Variants in ADAMTS12 observed in about 807,000 individuals in gnomAD.
ADAMTS12 encodes ADAM metallopeptidase with thrombospondin type 1 motif 12, also known as A disintegrin and metalloproteinase with thrombospondin motifs 12.
ADAMTS12 carries 118 observed loss-of-function variants against 167.8 expected under a neutral mutation model. The ratio of observed to expected loss-of-function variants is 0.70; its 90% confidence interval spans 0.61 to 0.82. The LOEUF (loss-of-function observed/expected upper bound fraction) is 0.82, where lower values mean the gene tolerates loss of function less well. Ranked by LOEUF, ADAMTS12 falls within the 40% of genes least tolerant of loss-of-function variation. The pLI is 0.00. For missense variants in ADAMTS12, 1,916 were observed against 1,998.8 expected (o/e 0.96, Z 0.79); for synonymous variants, 704 against 716.9 (o/e 0.98, Z 0.29).
chr5:33,771,731 A>C (rs1266189776), intron 2 of ADAMTS12, among the ~76,000 whole-genome samples: 6 of 151,758 alleles, frequency 4.0e-5, no homozygotes, highest in African/African-American at 1.5e-4. Context: ...TATATTGTAT[A>C]TAATATTAAA....
chr5:33,632,798 A>C (rs1740011191), intron 12 of ADAMTS12, among the ~76,000 whole-genome samples: 1 of 152,206 alleles, frequency 6.6e-6, no homozygotes, highest in South Asian at 2.1e-4. Context: ...GGAATACATA[A>C]AGCAAAAATA....
chr5:33,599,660 T>C (rs1738088183), intron 16 of ADAMTS12, among the ~76,000 whole-genome samples: 1 of 152,304 alleles, frequency 6.6e-6, no homozygotes, highest in Non-Finnish European at 1.5e-5. Flanking sequence ...CCTTTGAAAG[T>C]AGGCAAGGTC....
In ADAMTS12 at chr5:33,566,476, T is replaced by C. The variant is rs564182036; in HGVS notation, c.3973-5297A>G. Among the ~76,000 whole-genome samples, 6 of 152,236 alleles carry C rather than the reference T, an allele frequency of 3.9e-5. No homozygotes were observed. In the East Asian group the frequency reaches 1.2e-3, roughly 29 times the overall value. On this transcript the variant is annotated intron_variant, in intron 19 of 23. Coordinates refer to ENST00000504830, the MANE Select transcript of ADAMTS12 (RefSeq NM_030955.4). Reference sequence around the variant, plus strand: ...GAGACCCTGTCTCAAAAAAAGTCAATGAGTCAGTGACGGACTCCTTCTCTT... The same window carrying C: ...GAGACCCTGTCTCAAAAAAAGTCAACGAGTCAGTGACGGACTCCTTCTCTT...
rs80035604 is a variant in ADAMTS12, at chr5:33,633,720, G to A, written c.1889-2807C>T. On this transcript the variant is annotated intron_variant, in intron 12 of 23. Transcript: ENST00000504830. ...CACAGGGATCTGCAGGAGGAGGCAAGGGTGGTAATGGATGGTCTTAATTCT... is the reference window on the plus strand; with the variant it reads ...CACAGGGATCTGCAGGAGGAGGCAAAGGTGGTAATGGATGGTCTTAATTCT... 3.3e-3 allele frequency among the ~76,000 whole-genome samples: 495 copies of A among 152,228 alleles called. 22 individuals carry two copies. In the East Asian group the frequency reaches 0.078, roughly 24 times the overall value.
At chr5:33,748,033 C>T (rs1337926193) in intron 3 of ADAMTS12, among the ~76,000 whole-genome samples, 5 of 152,156 alleles carry the variant, frequency 3.3e-5, no homozygotes, top group Non-Finnish European at 5.9e-5. Context: ...TTTTTCTAGC[C>T]TAGAGTTCTA....
rs958868550 is a variant in ADAMTS12 at position 33,783,169 on chromosome 5, A to C, written c.490-31621T>G. Among the ~76,000 whole-genome samples the C allele has an allele frequency of 7.9e-5, 12 of 152,064 alleles. 1 individual carries two copies. In the South Asian group the frequency reaches 2.1e-3, roughly 26 times the overall value. On this transcript the variant is annotated intron_variant, in intron 2 of 23. Coordinates refer to ENST00000504830, the MANE Select transcript of ADAMTS12 (RefSeq NM_030955.4). The stretch of plus-strand genomic sequence containing the variant: ...TTCTAAATAACTAATGAGTTAAGAA[A>C]GAAACCAAAAGAGCAACTACAAAAA...
chr5:33,586,288 G>A (rs2112001328), intron 18 of ADAMTS12, among the ~76,000 whole-genome samples: 1 of 152,304 alleles, frequency 6.6e-6, no homozygotes, highest in Non-Finnish European at 1.5e-5. Context: ...TCATTAGGAG[G>A]TTATTAGTAA....
At chr5:33,629,777 T>C (rs73082309) in intron 13 of ADAMTS12, among the ~76,000 whole-genome samples, 7,213 of 152,274 alleles carry the variant, frequency 0.047, 595 homozygotes, top group African/African-American at 0.17. Flanking sequence ...CCTTTAAAAA[T>C]TTTCATTTTC....
At chr5:33,663,855 C>A (rs1255818300) in intron 5 of ADAMTS12, among the ~76,000 whole-genome samples, 1 of 152,180 alleles carries the variant, frequency 6.6e-6, no homozygotes, top group East Asian at 1.9e-4. Context: ...TCTTAGAGAA[C>A]ACTCATTAAT....
intron 2 of ADAMTS12, among the ~76,000 whole-genome samples, chr5:33,811,902 C>T (rs1747475758): frequency 1.3e-5 from 2 of 152,074 alleles, no homozygotes; most frequent in South Asian, 4.1e-4. Context: ...GAAGGCAGAG[C>T]CAGCCAGATT....
intron 17 of ADAMTS12, among the ~76,000 whole-genome samples, chr5:33,590,565 C>A (rs895134276): frequency 6.6e-6 from 1 of 152,184 alleles, no homozygotes; most frequent in Non-Finnish European, 1.5e-5. Context: ...AGCAAGAAGA[C>A]CCCCGCCAGA....
intron 3 of ADAMTS12, among the ~76,000 whole-genome samples, chr5:33,715,154 C>CT (rs1743558380): frequency 1.3e-5 from 2 of 151,756 alleles, no homozygotes; most frequent in Non-Finnish European, 2.9e-5. Flanking sequence ...GAAGCTCTCT[C>CT]TTTTTTTTAA....
intron 3 of ADAMTS12, among the ~76,000 whole-genome samples, chr5:33,713,854 T>C (rs1743497713): frequency 1.3e-5 from 2 of 152,120 alleles, no homozygotes; most frequent in Non-Finnish European, 2.9e-5. Flanking sequence ...TAAATCTATT[T>C]GGGAGACATT....
At chr5:33,739,019 C>T (rs9784705) in intron 3 of ADAMTS12, among the ~76,000 whole-genome samples, 2,789 of 152,236 alleles carry the variant, frequency 0.018, 120 homozygotes, top group East Asian at 0.16. Flanking sequence ...GCCTTTCGTT[C>T]GGAGGTGTTT....
At position 33,568,826 on chromosome 5, in the gene ADAMTS12, G is replaced by T. The variant is rs559078429; in HGVS notation, c.3972+7228C>A. Among the ~76,000 whole-genome samples, 42 of 152,336 alleles carry T rather than the reference G, an allele frequency of 2.8e-4. No homozygotes were observed. The East Asian group carries it at 4.3e-3, about 15-fold the overall frequency. On this transcript the variant is annotated intron_variant, in intron 19 of 23. Transcript: ENST00000504830. ...CTCGGGAAGCGCAAGGGGTCAGGGA[G>T]TTCCCTTTCCTGGTCAAGGAAAGGG...
chr5:33,571,162 C>T (rs914210920), intron 19 of ADAMTS12, among the ~76,000 whole-genome samples: 1 of 152,132 alleles, frequency 6.6e-6, no homozygotes, highest in Non-Finnish European at 1.5e-5. Flanking sequence ...CTTTAACACC[C>T]CACTGTCAAC....
intron 16 of ADAMTS12, 99 bp downstream of exon 16, chr5:33,614,139 T>C (rs370014521): frequency 5.5e-6 from 8 of 1,461,228 alleles, no homozygotes; most frequent in East Asian, 4.9e-5. Context: ...GCCCTGCAGA[T>C]CCATGGGCAG....
At chr5:33,577,673 C>T (rs1002602777) in intron 18 of ADAMTS12, among the ~76,000 whole-genome samples, 2 of 152,186 alleles carry the variant, frequency 1.3e-5, no homozygotes, top group Admixed American at 6.5e-5. Context: ...TTTCACTTGC[C>T]TATGGCAGGT....
intron 2 of ADAMTS12, among the ~76,000 whole-genome samples, chr5:33,851,915 C>T (rs1484934044): frequency 3.9e-5 from 6 of 152,248 alleles, no homozygotes; most frequent in Non-Finnish European, 2.9e-5. Context: ...CACACACACA[C>T]ACCATAGCCT....
Sources: gnomAD v4.1 joint callset for allele counts (sites outside exome capture counted in the v4.1 genomes callset) on GRCh38, gnomAD v4.1.1 for gene constraint, MANE v1.5 for transcripts, NCBI Gene and HGNC (gene_info 2026-07-23, HGNC 2026-07-21) for gene names.